SERPINB6: variants seen among roughly 807,000 people sequenced by gnomAD.
SERPINB6 encodes the protein serpin family B member 6, also known as serpin B6.
A neutral mutation model predicts 26.1 loss-of-function variants in SERPINB6; 16 were observed. The ratio of observed to expected loss-of-function variants is 0.61; its 90% CI spans 0.42 to 0.93. SERPINB6 has a LOEUF of 0.93. Among genes scored for constraint, SERPINB6 ranks in the 40% least tolerant of loss-of-function variants. The probability of loss-of-function intolerance (pLI) is 0.00; values close to 1 mark genes in which losing one functional copy is unlikely to be tolerated. For missense variants in SERPINB6, 420 were observed against 478.0 expected (o/e 0.88, Z 1.13); for synonymous variants, 174 against 176.6 (o/e 0.99, Z 0.11).
chr6:2,955,987 A>T (rs944713046), intron 2 of SERPINB6: 2 of 297,836 alleles, frequency 6.7e-6, no homozygotes, highest in Non-Finnish European at 1.3e-5. Flanking sequence ...GAGGAAAGAG[A>T]ATCGCTTGAA....
intron 1 of SERPINB6, among the ~76,000 whole-genome samples, chr6:2,962,850 C>T (rs1463772415): frequency 6.6e-6 from 1 of 152,172 alleles, no homozygotes; most frequent in Non-Finnish European, 1.5e-5. Flanking sequence ...CCCATGCTTC[C>T]TTAACAAGGT....
At chr6:2,949,117 C>T (rs1239725482) in intron 5 of SERPINB6, 48 bp from the exon 6 acceptor site, 6 of 1,600,476 alleles carry the variant, frequency 3.7e-6, no homozygotes, top group Non-Finnish European at 4.3e-6. Context: ...ACCCCACTGA[C>T]ACATGGGACA....
At position 2,953,109 on chromosome 6, in the gene SERPINB6, TG is replaced by T. The variant is rs1438527729; in HGVS notation, c.507del (p.Phe169LeufsTer31). The T allele has an allele frequency of 2.5e-6, 4 of 1,614,110 alleles. No homozygotes were observed. The highest frequency in any genetic ancestry group is 3.4e-6 in the Non-Finnish European group (4 of 1,180,050). Reference sequence around the variant, plus strand: ...TCAAACTGTTCATCCCAGTTTCCTCTGAAATAGACAGCATTCACCAGAACCA... The same window carrying T: ...TCAAACTGTTCATCCCAGTTTCCTCTAAATAGACAGCATTCACCAGAACCA... ...TRLVLVNAVY[F>X]RGNWDEQFDK... On this transcript the variant is annotated frameshift_variant, in exon 5 of 7. Transcript: ENST00000380539. LOFTEE classifies it high-confidence loss of function.
chr6:2,948,266 G>T lies in SERPINB6; in HGVS notation c.*32C>A. 6.2e-7 allele frequency: 1 copy of T among 1,612,178 alleles called. No individual in the cohort carries two copies. Among genetic ancestry groups the T allele is most frequent in the South Asian group, 1.1e-5 (1 of 90,984 alleles). ...CTGTGGAGTGTCAGGGGACAGAGAGGAGAGGGGCTGCACACCAAGACTGCC... is the reference window on the plus strand; with the variant it reads ...CTGTGGAGTGTCAGGGGACAGAGAGTAGAGGGGCTGCACACCAAGACTGCC... On this transcript the variant is annotated 3_prime_UTR_variant, in exon 7 of 7. Coordinates refer to ENST00000380539, the MANE Select transcript of SERPINB6 (RefSeq NM_004568.6). The surrounding 1 kb of genome is among the most constrained non-coding windows in gnomAD (Gnocchi z 5.0).
intron 1 of SERPINB6, chr6:2,961,168 GA>G (rs2113277982): frequency 6.6e-6 from 1 of 152,302 alleles, no homozygotes; most frequent in Non-Finnish European, 1.5e-5. Flanking sequence ...GGGAAACCAA[GA>G]CAATAACTCA....
rs1293867786 is a variant in SERPINB6 at position 2,952,912 on chromosome 6, C to G, written c.573+132G>C. 4 of 1,345,194 alleles carry G rather than the reference C, an allele frequency of 3.0e-6. No homozygotes were observed. In the African/African-American group the frequency reaches 4.3e-5, roughly 14 times the overall value. 83.3% of individuals were successfully genotyped at this position (1,345,194 alleles called of 1,614,324 possible). A position where few individuals can be genotyped will look rare whatever the true frequency, so the allele number is the denominator to read the frequency against. ...GGCGGATGCCAGGCGCCCAGGGACA[C>G]GAGGCCACCCAATGGATGTCAAGCA... is the stretch of plus-strand genomic sequence containing the variant. On this transcript the variant is annotated intron_variant, in intron 5 of 6. Transcript: ENST00000380539.
In SERPINB6 at chr6:2,948,272, G is replaced by A; in HGVS notation, c.*26C>T. On this transcript the variant is annotated 3_prime_UTR_variant, in exon 7 of 7. Transcript: ENST00000380539. The surrounding 1 kb of genome is among the most constrained non-coding windows in gnomAD (Gnocchi z 5.0). ...AGTGTCAGGGGACAGAGAGGAGAGG[G>A]GCTGCACACCAAGACTGCCCTGTCC... The A allele has an allele frequency of 6.2e-7, 1 of 1,612,466 alleles. No homozygotes were observed. The highest frequency in any genetic ancestry group is 8.5e-7 in the Non-Finnish European group (1 of 1,179,848).
chr6:2,952,757 T>C (rs1387095711), intron 5 of SERPINB6, among the ~76,000 whole-genome samples: 1 of 152,240 alleles, frequency 6.6e-6, no homozygotes, highest in Non-Finnish European at 1.5e-5. Flanking sequence ...GGGTAGGTCC[T>C]GATGGGAATG....
intron 1 of SERPINB6, chr6:2,959,873 G>A (rs559828537): frequency 1.0e-5 from 2 of 190,562 alleles, no homozygotes; most frequent in East Asian, 1.5e-4. Flanking sequence ...ACAAAGATGC[G>A]TGAAAGCCTT....
Position 2,948,633 on chromosome 6 carries a change from C to T in SERPINB6, c.796G>A (p.Glu266Lys), listed in dbSNP as rs199796495. 8.7e-6 allele frequency: 14 copies of T among 1,614,170 alleles called. No homozygotes were observed. The Admixed American group carries it at 2.2e-4, about 25-fold the overall frequency. The stretch of plus-strand genomic sequence containing the variant: ...AACCGCGGGAGGGACACTTCCACCT[C>T]CTCTTCATCCATCATGTCCAGCCTC... ...WTRLDMMDEEEVEVSLPRFKL... is the reference protein window; with the variant it reads ...WTRLDMMDEEKVEVSLPRFKL... The change falls in exon 7 of 7, where the codon GAG becomes AAG. Residue 266 changes from glutamate (E) to lysine (K), a missense_variant. By Grantham distance (56) the Glu-to-Lys change is moderately conservative. Transcript: ENST00000380539. This position sits in a 1 kb window ranked among gnomAD's most constrained non-coding sequence, Gnocchi z 5.0.
intron 1 of SERPINB6, chr6:2,961,945 C>T (rs1433638778): frequency 1.0e-6 from 1 of 983,958 alleles, no homozygotes; most frequent in African/African-American, 1.7e-5. Flanking sequence ...AGGCTGCTCT[C>T]CAACGCCTGG....
chr6:2,966,022 G>A (rs1771609536), intron 1 of SERPINB6, among the ~76,000 whole-genome samples: 2 of 152,188 alleles, frequency 1.3e-5, no homozygotes, highest in African/African-American at 4.8e-5. Context: ...GTGTCTTGTA[G>A]CCTGATGTCC....
chr6:2,949,205 G>C, intron 5 of SERPINB6, 136 bp from the exon 6 acceptor site: 1 of 941,854 alleles, frequency 1.1e-6, no homozygotes, highest in Non-Finnish European at 1.6e-6. Context: ...ACCCGGCAGC[G>C]CCTGCTCTGC....
At position 2,949,023 on chromosome 6, in the gene SERPINB6, T is replaced by C. The variant is rs781733784; in HGVS notation, c.620A>G (p.Lys207Arg). Residue 207 changes from lysine (K) to arginine (R), a missense_variant, in exon 6 of 7, where the codon AAG (lysine) becomes AGG (arginine). Transcript: ENST00000380539. ...VQMMFKQSTF[K>R]KTYIGEIFTQ... ...AAATATTTCTCCTATATAGGTCTTC[T>C]TAAAAGTAGATTGCTTAAACATCAT... 3 of 1,614,242 alleles carry C rather than the reference T, an allele frequency of 1.9e-6. No homozygotes were observed. The highest frequency in any genetic ancestry group is 2.5e-6 in the Non-Finnish European group (3 of 1,180,036).
chr6:2,962,312 G>A (rs1172337337), intron 1 of SERPINB6: 4 of 721,980 alleles, frequency 5.5e-6, no homozygotes, highest in Non-Finnish European at 6.8e-6. Context: ...CAGGATATTC[G>A]GAGGAGAAGT....
rs1769441813 is a variant in SERPINB6, at chr6:2,948,923, G to A, written c.720C>T (p.Asp240=). The A allele has an allele frequency of 7.4e-6, 12 of 1,614,102 alleles. No homozygotes were observed. The highest frequency in any genetic ancestry group is 1.0e-5 in the Non-Finnish European group (12 of 1,180,056). Residue 240 remains aspartate (D), a synonymous_variant, in exon 6 of 7, where the codon GAC becomes GAT. Coordinates refer to ENST00000380539, the MANE Select transcript of SERPINB6 (RefSeq NM_004568.6). This position sits in a 1 kb window ranked among gnomAD's most constrained non-coding sequence, Gnocchi z 5.0. ...ACAGCTTAGCTGTTACCGTTCTCAA[G>A]TCAGTGGTCTCGTCCGGAAGCATGA... ...MIIMLPDETT[D]LRTVEKELTY...
At position 2,961,623 on chromosome 6, in the gene SERPINB6, C is replaced by T. The variant is rs542744068; in HGVS notation, c.-10-2281G>A. On this transcript the variant is annotated intron_variant, in intron 1 of 6. Transcript: ENST00000380539. ...AGCAAGAAGCACAGCCTGTGAAGTCCGTGTCTCAGGACTCAAAGCCAGCAG... is the reference window on the plus strand; with the variant it reads ...AGCAAGAAGCACAGCCTGTGAAGTCTGTGTCTCAGGACTCAAAGCCAGCAG... 1.2e-3 allele frequency among the ~76,000 whole-genome samples: 190 copies of T among 152,264 alleles called. 1 individual carries two copies. The South Asian group carries it at 0.02, about 16-fold the overall frequency.
At chr6:2,971,467 T>G (rs1158097989) in intron 1 of SERPINB6, 66 bp downstream of exon 1, 2 of 152,178 alleles carry the variant, frequency 1.3e-5, no homozygotes, top group Admixed American at 1.3e-4. Context: ...CGCCCCCGGC[T>G]TTCCCGACTT....
rs375870990 is a variant in SERPINB6, at chr6:2,959,259, T to C, written c.74A>G (p.Lys25Arg). The change falls in exon 2 of 7, where the codon AAG becomes AGG. Residue 25 changes from lysine to arginine, a missense_variant. Physicochemically the swap from Lys to Arg is conservative, Grantham distance 26. Coordinates refer to ENST00000380539, the MANE Select transcript of SERPINB6 (RefSeq NM_004568.6). ...LLKTLGKDNS[K>R]NVFFSPMSMS... Reference sequence around the variant, plus strand: ...GCTCATGGGTGAGAAAAACACATTCTTCGAGTTGTCTTTACCCAGCGTTTT... The same window carrying C: ...GCTCATGGGTGAGAAAAACACATTCCTCGAGTTGTCTTTACCCAGCGTTTT... 1.7e-5 allele frequency: 27 copies of C among 1,614,078 alleles called. No individual in the cohort carries two copies. Among genetic ancestry groups the C allele is most frequent in the Non-Finnish European group, 2.3e-5 (27 of 1,180,042 alleles).
Sources: allele counts gnomAD v4.1 joint callset (sites outside exome capture counted in the v4.1 genomes callset), GRCh38; gene constraint gnomAD v4.1.1; non-coding constraint Gnocchi (gnomAD v3.1); transcripts MANE v1.5; gene names NCBI Gene and HGNC (gene_info 2026-07-23, HGNC 2026-07-21).